ADGB: variants seen among roughly 807,000 people sequenced by gnomAD.
The protein encoded by ADGB is calpain-7-like protein.
Under a neutral mutation model 210.5 loss-of-function variants are expected in ADGB, and 172 were observed. That is an observed-to-expected ratio of 0.82 (90% confidence interval 0.72 to 0.93). The LOEUF is 0.93. ADGB is among the 40% of genes least tolerant of loss of function. The pLI is 0.00. For synonymous variants in ADGB, 658 were observed against 662.7 expected (o/e 0.99, Z 0.11); for missense variants, 2,025 against 1,964.8 (o/e 1.03, Z -0.58).
intron 9 of ADGB, among the ~76,000 whole-genome samples, chr6:146,685,151 T>G (rs1045765114): frequency 6.6e-6 from 1 of 151,996 alleles, no homozygotes; most frequent in African/African-American, 2.4e-5. Context: ...AATAAAATAA[T>G]CAAATAGAAT....
At chr6:146,729,651 C>T (rs1305592469) in intron 20 of ADGB, among the ~76,000 whole-genome samples, 2 of 152,130 alleles carry the variant, frequency 1.3e-5, no homozygotes, top group Non-Finnish European at 2.9e-5. Flanking sequence ...ACTATATTGC[C>T]TATGGTGGTC....
At chr6:146,619,885 T>G (rs1301196365) in intron 1 of ADGB, among the ~76,000 whole-genome samples, 1 of 152,144 alleles carries the variant, frequency 6.6e-6, no homozygotes, top group Non-Finnish European at 1.5e-5. Flanking sequence ...TAACTGCAGA[T>G]GTTTTTGTTA....
At chr6:146,657,923 A>T (rs1195631117) in intron 5 of ADGB, among the ~76,000 whole-genome samples, 1 of 152,194 alleles carries the variant, frequency 6.6e-6, no homozygotes, top group East Asian at 1.9e-4. Context: ...GCAGACACAC[A>T]CTAAATTAGC....
intron 35 of ADGB, chr6:146,803,048 C>A: frequency 6.4e-7 from 1 of 1,574,228 alleles, no homozygotes; most frequent in Non-Finnish European, 8.7e-7. Flanking sequence ...TTACTAGAAG[C>A]AACAAGTCTA....
intron 1 of ADGB, among the ~76,000 whole-genome samples, chr6:146,618,979 G>T (rs187279458): frequency 6.7e-6 from 1 of 149,942 alleles, no homozygotes; most frequent in Admixed American, 6.7e-5. Context: ...CTCTTGTATT[G>T]CTGTCCATTT....
At chr6:146,700,478 C>T (rs1050746820) in intron 12 of ADGB, among the ~76,000 whole-genome samples, 1 of 152,070 alleles carries the variant, frequency 6.6e-6, no homozygotes, top group African/African-American at 2.4e-5. Context: ...ATGGCAAGGG[C>T]AATTTGGAGT....
chr6:146,769,985 G>C (rs1303166520), intron 29 of ADGB, among the ~76,000 whole-genome samples: 2 of 152,058 alleles, frequency 1.3e-5, no homozygotes, highest in Non-Finnish European at 2.9e-5. Flanking sequence ...CTAAGAAACA[G>C]TAAATTTTAT....
At position 146,782,178 on chromosome 6, in the gene ADGB, C is replaced by A; in HGVS notation, c.4021C>A (p.Arg1341Ser). ...EKTAKEKQAP[R>S]FEPQISTVHP... ...GACAGCCAAAGAAAAACAAGCACCT[C>A]GCTTTGAGCCTCAGGTGGGTGTGGA... is the stretch of plus-strand genomic sequence containing the variant. The change falls in exon 30 of 36, where the codon CGC becomes AGC. Residue 1341 changes from arginine to serine, a missense_variant. Coordinates refer to ENST00000397944, the MANE Select transcript of ADGB (RefSeq NM_024694.4). 1 of 1,533,366 alleles carries A rather than the reference C, an allele frequency of 6.5e-7. No homozygotes were observed. The highest frequency in any genetic ancestry group is 2.5e-5 in the East Asian group (1 of 40,432). 95.0% of individuals were successfully genotyped at this position (1,533,366 alleles called of 1,614,324 possible).
chr6:146,601,254 GT>G (rs998624784), intron 1 of ADGB, among the ~76,000 whole-genome samples: 12 of 151,742 alleles, frequency 7.9e-5, no homozygotes, highest in African/African-American at 2.2e-4. Context: ...TGTCTAACAT[GT>G]TTTTTTTCTA....
intron 10 of ADGB, among the ~76,000 whole-genome samples, chr6:146,690,428 A>G (rs146611973): frequency 3.1e-4 from 47 of 152,360 alleles, no homozygotes; most frequent in African/African-American, 9.6e-4. Flanking sequence ...GAATTTGGCT[A>G]TAGTGTATAT....
chr6:146,667,280 C>T (rs1218274346), intron 7 of ADGB, among the ~76,000 whole-genome samples: 1 of 151,924 alleles, frequency 6.6e-6, no homozygotes, highest in African/African-American at 2.4e-5. Flanking sequence ...CAGGTGGCAA[C>T]TTGTGGGAAG....
intron 8 of ADGB, 102 bp from the exon 9 acceptor site, chr6:146,676,211 T>C: frequency 9.7e-7 from 1 of 1,028,014 alleles, no homozygotes; most frequent in East Asian, 2.8e-5. Context: ...CATTAAATAA[T>C]ACTATTATTT....
At chr6:146,771,564 C>T (rs1380187502) in intron 29 of ADGB, among the ~76,000 whole-genome samples, 2 of 152,110 alleles carry the variant, frequency 1.3e-5, no homozygotes, top group Non-Finnish European at 2.9e-5. Context: ...CGCCCCTGGC[C>T]CCTGGCCCCC....
At chr6:146,750,243 TAA>T (rs1450866327) in intron 26 of ADGB, among the ~76,000 whole-genome samples, 4 of 151,962 alleles carry the variant, frequency 2.6e-5, no homozygotes, top group African/African-American at 4.8e-5. Flanking sequence ...CAAGGAGGAA[TAA>T]AGAGTGGGGT....
At chr6:146,618,373 G>A (rs185970305) in intron 1 of ADGB, among the ~76,000 whole-genome samples, 1 of 151,456 alleles carries the variant, frequency 6.6e-6, no homozygotes, top group African/African-American at 2.4e-5. Flanking sequence ...GTCAGAAATA[G>A]CTCTGATATT....
chr6:146,696,563 A>G (rs548070165), intron 12 of ADGB, among the ~76,000 whole-genome samples: 3 of 149,486 alleles, frequency 2.0e-5, no homozygotes, highest in East Asian at 3.9e-4. Context: ...GGAAAAATGT[A>G]TTAATTAATC....
intron 25 of ADGB, among the ~76,000 whole-genome samples, chr6:146,743,832 T>A (rs1400298808): frequency 6.6e-6 from 1 of 152,186 alleles, no homozygotes; most frequent in African/African-American, 2.4e-5. Context: ...GAGAATCACT[T>A]GAACCCAGAA....
chr6:146,781,052 G>T (rs376588735), intron 29 of ADGB, among the ~76,000 whole-genome samples: 1 of 151,864 alleles, frequency 6.6e-6, no homozygotes, highest in African/African-American at 2.4e-5. Flanking sequence ...TGGAGGCCGG[G>T]CGCGGTAGCT....
At chr6:146,804,829 C>CA (rs1209512308) in intron 35 of ADGB, among the ~76,000 whole-genome samples, 2 of 152,146 alleles carry the variant, frequency 1.3e-5, no homozygotes, top group African/African-American at 4.8e-5. Context: ...AGTGGCCTAA[C>CA]ATAGTGTTTG....
Sources: gnomAD v4.1 joint callset for allele counts (sites outside exome capture counted in the v4.1 genomes callset) on GRCh38, gnomAD v4.1.1 for gene constraint, MANE v1.5 for transcripts, NCBI Gene and HGNC (gene_info 2026-07-23, HGNC 2026-07-21) for gene names.